Variants in GLRA3 observed in about 807,000 individuals in gnomAD.
GLRA3 encodes the protein glycine receptor alpha 3, also known as glycine receptor subunit alpha-3.
In GLRA3, 44 loss-of-function variants were observed where a neutral mutation model predicts 60.4. The ratio of observed to expected loss-of-function variants is 0.73; its 90% CI spans 0.57 to 0.94. GLRA3 has a LOEUF of 0.94. Among genes scored for constraint, GLRA3 ranks in the 40% least tolerant of loss-of-function variants. GLRA3 has a pLI of 0.00. For synonymous variants in GLRA3, 223 were observed against 192.9 expected, an observed-to-expected ratio of 1.16 and a Z score of -1.29; for missense variants, 508 against 564.6, an observed-to-expected ratio of 0.90 and a Z score of 1.02.
intron 7 of GLRA3, among the ~76,000 whole-genome samples, chr4:174,662,837 CTT>C (rs72148674): frequency 1.1e-3 from 137 of 128,324 alleles, no homozygotes; most frequent in East Asian, 4.1e-3. Flanking sequence ...TTTTTTTTTT[CTT>C]TTTTTTTTTT....
At chr4:174,827,089 G>T (rs951849008) in intron 1 of GLRA3, among the ~76,000 whole-genome samples, 2 of 151,728 alleles carry the variant, frequency 1.3e-5, no homozygotes, top group East Asian at 1.9e-4. Context: ...TTTGTATGTT[G>T]TATGTCTTTT....
intron 3 of GLRA3, among the ~76,000 whole-genome samples, chr4:174,742,060 A>C (rs1218426698): frequency 6.6e-6 from 1 of 152,184 alleles, no homozygotes; most frequent in Non-Finnish European, 1.5e-5. Context: ...AAACAACAAA[A>C]AAGTCAGGTA....
chr4:174,653,159 T>A (rs1276992357), intron 9 of GLRA3, among the ~76,000 whole-genome samples: 3 of 152,100 alleles, frequency 2.0e-5, no homozygotes, highest in East Asian at 3.8e-4. Context: ...TTGTTATTAA[T>A]CTCTATTTAT....
At chr4:174,721,982 T>C (rs985373360) in intron 4 of GLRA3, among the ~76,000 whole-genome samples, 1 of 152,018 alleles carries the variant, frequency 6.6e-6, no homozygotes, top group Admixed American at 6.6e-5. Context: ...ATTCTGGCAT[T>C]TGGAGAAACT....
chr4:174,659,743 G>A (rs746995098), intron 7 of GLRA3, among the ~76,000 whole-genome samples: 5 of 151,996 alleles, frequency 3.3e-5, no homozygotes, highest in Admixed American at 2.6e-4. Context: ...ATGCCAAGGC[G>A]GGTGGATCAC....
intron 5 of GLRA3, among the ~76,000 whole-genome samples, chr4:174,705,866 G>T: frequency 6.6e-6 from 1 of 152,056 alleles, no homozygotes. Context: ...CAATACAAAC[G>T]TTATCAGAAA....
chr4:174,776,528 G>A (rs111310053), intron 2 of GLRA3, among the ~76,000 whole-genome samples: 1 of 151,596 alleles, frequency 6.6e-6, no homozygotes, highest in Middle Eastern at 3.2e-3. Flanking sequence ...AATAAAAGAC[G>A]CATTAAATTA....
At chr4:174,803,707 A>G (rs1739912963) in intron 1 of GLRA3, among the ~76,000 whole-genome samples, 2 of 152,172 alleles carry the variant, frequency 1.3e-5, no homozygotes, top group African/African-American at 4.8e-5. Context: ...GGATATTTTT[A>G]ATTGAAATGA....
At chr4:174,709,627 A>G (rs756735829) in intron 5 of GLRA3, among the ~76,000 whole-genome samples, 3 of 152,086 alleles carry the variant, frequency 2.0e-5, no homozygotes, top group Non-Finnish European at 4.4e-5. Flanking sequence ...AGGAATAAAC[A>G]GTATGTTGAA....
chr4:174,679,282 C>T (rs1037352205), intron 6 of GLRA3, among the ~76,000 whole-genome samples: 1 of 151,982 alleles, frequency 6.6e-6, no homozygotes, highest in African/African-American at 2.4e-5. Flanking sequence ...GATCTTGCCA[C>T]TACATTCCAG....
At chr4:174,656,094 A>T (rs1308330244) in intron 9 of GLRA3, among the ~76,000 whole-genome samples, 1 of 151,978 alleles carries the variant, frequency 6.6e-6, no homozygotes, top group Non-Finnish European at 1.5e-5. Context: ...TATATTATGA[A>T]CCCCCAAGTT....
At chr4:174,749,312 C>T (rs547304861) in intron 3 of GLRA3, among the ~76,000 whole-genome samples, 2 of 152,082 alleles carry the variant, frequency 1.3e-5, no homozygotes, top group Non-Finnish European at 2.9e-5. Flanking sequence ...AAATAAATTC[C>T]TTTCTGTGAG....
At chr4:174,645,245 C>G (rs866729959) in intron 9 of GLRA3, among the ~76,000 whole-genome samples, 4 of 151,728 alleles carry the variant, frequency 2.6e-5, no homozygotes, top group Middle Eastern at 3.2e-3. Context: ...AACACCATCT[C>G]TACTAAAAAT....
intron 1 of GLRA3, among the ~76,000 whole-genome samples, chr4:174,802,999 G>C (rs1739887232): frequency 1.3e-5 from 2 of 152,022 alleles, no homozygotes; most frequent in Non-Finnish European, 2.9e-5. Context: ...TGAGTGTGAA[G>C]ACTTAATATT....
At chr4:174,672,557 C>T (rs1455182909) in intron 7 of GLRA3, among the ~76,000 whole-genome samples, 1 of 151,978 alleles carries the variant, frequency 6.6e-6, no homozygotes, top group Non-Finnish European at 1.5e-5. Context: ...TCCAGCACTC[C>T]TCCATGGAAA....
At chr4:174,806,572 T>C (rs1740060678) in intron 1 of GLRA3, among the ~76,000 whole-genome samples, 1 of 152,144 alleles carries the variant, frequency 6.6e-6, no homozygotes, top group Non-Finnish European at 1.5e-5. Context: ...TATTTCCTTG[T>C]CGTTATTTCC....
chr4:174,730,225 GTCA>G (rs773700288), intron 3 of GLRA3, among the ~76,000 whole-genome samples: 2 of 152,152 alleles, frequency 1.3e-5, no homozygotes, highest in African/African-American at 2.4e-5. Flanking sequence ...CCTAGAATAG[GTCA>G]TCTTCTCTTA....
At chr4:174,721,543 A>G (rs1333359597) in intron 4 of GLRA3, among the ~76,000 whole-genome samples, 2 of 151,568 alleles carry the variant, frequency 1.3e-5, no homozygotes, top group Non-Finnish European at 2.9e-5. Flanking sequence ...ATATTTAAGA[A>G]TGAGGCACTA....
intron 5 of GLRA3, among the ~76,000 whole-genome samples, chr4:174,688,056 AG>A (rs949068689): frequency 1.1e-4 from 17 of 152,090 alleles, no homozygotes; most frequent in African/African-American, 4.1e-4. Context: ...AAGGATTATA[AG>A]TCAGAGGTAA....
Sources: gnomAD v4.1 joint callset for allele counts (sites outside exome capture counted in the v4.1 genomes callset) on GRCh38, gnomAD v4.1.1 for gene constraint, MANE v1.5 for transcripts, NCBI Gene and HGNC (gene_info 2026-07-23, HGNC 2026-07-21) for gene names.